SLC25A21: variants seen among roughly 807,000 people sequenced by gnomAD.
SLC25A21 encodes solute carrier family 25 member 21.
Under a neutral mutation model 43.8 loss-of-function variants are expected in SLC25A21, and 47 were observed. The ratio of observed to expected loss-of-function variants is 1.07; its 90% CI spans 0.85 to 1.37. The LOEUF (loss-of-function observed/expected upper bound fraction) is 1.37. Among genes scored for constraint, SLC25A21 ranks in the 40% most tolerant of loss-of-function variants. The pLI is 0.00. For synonymous variants in SLC25A21, 131 were observed against 121.3 expected, an observed-to-expected ratio of 1.08 and a Z score of -0.52; for missense variants, 352 against 350.2, an observed-to-expected ratio of 1.00 and a Z score of -0.04.
At chr14:36,994,118 T>A (rs545555650) in intron 1 of SLC25A21, among the ~76,000 whole-genome samples, 1 of 152,302 alleles carries the variant, frequency 6.6e-6, no homozygotes, top group African/African-American at 2.4e-5. Flanking sequence ...ATCTCAAGTA[T>A]ACTCTGAGTG....
chr14:37,155,710 T>C (rs1963836371), intron 1 of SLC25A21, among the ~76,000 whole-genome samples: 1 of 152,086 alleles, frequency 6.6e-6, no homozygotes, highest in Admixed American at 6.6e-5. Flanking sequence ...AGCAAAATTA[T>C]AGCAAAATTA....
At chr14:37,138,189 C>T (rs1046798089) in intron 1 of SLC25A21, among the ~76,000 whole-genome samples, 1 of 152,080 alleles carries the variant, frequency 6.6e-6, no homozygotes, top group East Asian at 1.9e-4. Context: ...TAAAAAGCAA[C>T]TCAAGAAATA....
chr14:37,040,416 A>AAAGAAAGG, intron 1 of SLC25A21, among the ~76,000 whole-genome samples: 1 of 99,804 alleles, frequency 1.0e-5, no homozygotes, highest in South Asian at 2.8e-4. Flanking sequence ...AGAAAGAAAG[A>AAAGAAAGG]AAGAAAGAAA....
chr14:36,939,945 C>A (rs1461436291), intron 1 of SLC25A21, among the ~76,000 whole-genome samples: 1 of 152,156 alleles, frequency 6.6e-6, no homozygotes, highest in Non-Finnish European at 1.5e-5. Flanking sequence ...GCGTTCTCCT[C>A]CACGTCATAT....
intron 1 of SLC25A21, among the ~76,000 whole-genome samples, chr14:36,992,616 G>A (rs957495325): frequency 2.0e-5 from 3 of 152,096 alleles, no homozygotes; most frequent in African/African-American, 4.8e-5. Flanking sequence ...GCATGCAGGT[G>A]GCTTGGAGAA....
chr14:36,914,918 T>C (rs1891789341), intron 1 of SLC25A21, among the ~76,000 whole-genome samples: 1 of 152,032 alleles, frequency 6.6e-6, no homozygotes, highest in South Asian at 2.1e-4. Context: ...CAAAGAATAG[T>C]AGAGACAAGG....
intron 1 of SLC25A21, among the ~76,000 whole-genome samples, chr14:37,095,776 G>A (rs55855906): frequency 0.13 from 17,915 of 143,046 alleles, 2,715 homozygotes; most frequent in African/African-American, 0.37. Context: ...TTAAAAAAAT[G>A]TATATATGTA....
At chr14:37,110,974 T>C (rs1006321354) in intron 1 of SLC25A21, among the ~76,000 whole-genome samples, 2 of 152,040 alleles carry the variant, frequency 1.3e-5, no homozygotes, top group Admixed American at 1.3e-4. Flanking sequence ...ATCACAGATA[T>C]CATAATGCTA....
intron 1 of SLC25A21, among the ~76,000 whole-genome samples, chr14:37,138,077 C>A (rs1594812181): frequency 6.6e-6 from 1 of 152,236 alleles, no homozygotes; most frequent in African/African-American, 2.4e-5. Context: ...CCACTTGCTT[C>A]TCTCCTGAGT....
intron 1 of SLC25A21, among the ~76,000 whole-genome samples, chr14:37,094,830 T>C (rs2138855610): frequency 6.6e-6 from 1 of 152,174 alleles, no homozygotes; most frequent in Non-Finnish European, 1.5e-5. Flanking sequence ...AGTCAAATAC[T>C]GGTACCCAGG....
At chr14:37,047,216 C>T (rs1451008282) in intron 1 of SLC25A21, among the ~76,000 whole-genome samples, 3 of 152,128 alleles carry the variant, frequency 2.0e-5, no homozygotes, top group Admixed American at 6.5e-5. Flanking sequence ...CAGCAATTCA[C>T]GTGAAATTTA....
At chr14:36,789,029 T>A (rs1887350517) in intron 3 of SLC25A21, among the ~76,000 whole-genome samples, 1 of 152,240 alleles carries the variant, frequency 6.6e-6, no homozygotes, top group South Asian at 2.1e-4. Flanking sequence ...ACATATTTAC[T>A]AATGTCTCCT....
intron 1 of SLC25A21, among the ~76,000 whole-genome samples, chr14:37,075,900 G>A (rs1415782276): frequency 6.6e-6 from 1 of 152,160 alleles, no homozygotes; most frequent in East Asian, 1.9e-4. Flanking sequence ...ATCCTCCACA[G>A]GGATGCAGTT....
rs540178682 is a variant in SLC25A21 at position 37,115,533 on chromosome 14, C to T, written c.70+56748G>A. On this transcript the variant is annotated intron_variant, in intron 1 of 9. Coordinates refer to ENST00000331299, the MANE Select transcript of SLC25A21 (RefSeq NM_030631.4). ...AGCATAACTCCAAAGAACTCAAGGGCTCTCCTCAGGGTTTATTTACTTTAT... is the reference window on the plus strand; with the variant it reads ...AGCATAACTCCAAAGAACTCAAGGGTTCTCCTCAGGGTTTATTTACTTTAT... Among the ~76,000 whole-genome samples, 3 of 152,272 alleles carry T rather than the reference C, an allele frequency of 2.0e-5. No individual in the cohort carries two copies. In the South Asian group the frequency reaches 6.2e-4, roughly 32 times the overall value.
intron 5 of SLC25A21, among the ~76,000 whole-genome samples, chr14:36,727,972 A>C (rs1462666672): frequency 6.6e-6 from 1 of 152,140 alleles, no homozygotes; most frequent in Non-Finnish European, 1.5e-5. Context: ...TCTTCCAAGT[A>C]ATTCACTTTT....
chr14:36,700,396 T>C lies in SLC25A21; in HGVS notation c.603+10922A>G, dbSNP rs566558171. On this transcript the variant is annotated intron_variant, in intron 7 of 9. Coordinates refer to ENST00000331299, the MANE Select transcript of SLC25A21 (RefSeq NM_030631.4). ...TGCAGTATTCTGTTTAGATCTGACA[T>C]TGATATGGACAAATGTGATGCACTA... 6.6e-5 allele frequency among the ~76,000 whole-genome samples: 10 copies of C among 152,298 alleles called. No homozygotes were observed. The South Asian group carries it at 1.9e-3, about 28-fold the overall frequency.
intron 1 of SLC25A21, among the ~76,000 whole-genome samples, chr14:37,000,337 C>T (rs1266516242): frequency 6.6e-6 from 1 of 152,140 alleles, no homozygotes; most frequent in Non-Finnish European, 1.5e-5. Flanking sequence ...TTCTCTCACA[C>T]CTGGCTACTG....
intron 1 of SLC25A21, among the ~76,000 whole-genome samples, chr14:37,006,432 T>C (rs1960605484): frequency 6.6e-6 from 1 of 152,102 alleles, no homozygotes; most frequent in Non-Finnish European, 1.5e-5. Flanking sequence ...TACATCAACA[T>C]ACATGTTGAC....
intron 1 of SLC25A21, among the ~76,000 whole-genome samples, chr14:36,912,107 A>C (rs1891701423): frequency 6.6e-6 from 1 of 152,074 alleles, no homozygotes; most frequent in Admixed American, 6.6e-5. Flanking sequence ...TATTTTGGGG[A>C]TTAAAAACTA....
Sources: gnomAD v4.1 joint callset for allele counts (sites outside exome capture counted in the v4.1 genomes callset) on GRCh38, gnomAD v4.1.1 for gene constraint, MANE v1.5 for transcripts, NCBI Gene and HGNC (gene_info 2026-07-23, HGNC 2026-07-21) for gene names.